Variants in EIF4B observed in about 807,000 individuals in gnomAD.
The protein encoded by EIF4B is eukaryotic translation initiation factor 4B.
In EIF4B, 8 loss-of-function variants were observed where a neutral mutation model predicts 79.3. The observed-to-expected ratio is 0.10, with a 90% CI of 0.06 to 0.18. The LOEUF is 0.18. Among genes scored for constraint, EIF4B ranks in the 10% least tolerant of loss-of-function variants. EIF4B has a pLI of 1.00. For synonymous variants in EIF4B, 238 were observed against 274.7 expected (o/e 0.87, Z 1.32); for missense variants, 515 against 792.4 (o/e 0.65, Z 4.20).
Position 53,016,568 on chromosome 12 carries a change from C to G in EIF4B, c.109C>G (p.Pro37Ala). The G allele has an allele frequency of 6.2e-7, 1 of 1,612,192 alleles. No homozygotes were observed. Among genetic ancestry groups the G allele is most frequent in the Non-Finnish European group, 8.5e-7 (1 of 1,179,304 alleles). ...TGGGSTYVSKPVSWADETDDL... is the reference protein window; with the variant it reads ...TGGGSTYVSKAVSWADETDDL... ...TGGAGGAAGCACCTATGTTTCCAAA[C>G]CAGTCAGCTGGGCTGATGAAACGGA... Residue 37 changes from proline (P) to alanine (A), a missense_variant, in exon 2 of 15, where the codon CCA becomes GCA. Coordinates refer to ENST00000262056, the MANE Select transcript of EIF4B (RefSeq NM_001417.7).
intron 8 of EIF4B, among the ~76,000 whole-genome samples, chr12:53,031,606 T>C (rs995853831): frequency 7.2e-5 from 11 of 152,220 alleles, no homozygotes; most frequent in Non-Finnish European, 1.5e-4. Context: ...TTAAATGAGC[T>C]ACTTTTTCTG....
At chr12:53,007,398 A>C (rs976872477) in intron 1 of EIF4B, among the ~76,000 whole-genome samples, 6 of 136,220 alleles carry the variant, frequency 4.4e-5, no homozygotes, top group Admixed American at 7.3e-5. Flanking sequence ...GAATTTGGAT[A>C]GCTCCAATGG....
At chr12:53,028,283 A>G (rs759211572) in intron 8 of EIF4B, 95 bp downstream of exon 8, 13 of 1,457,750 alleles carry the variant, frequency 8.9e-6, no homozygotes, top group Non-Finnish European at 1.2e-5. Flanking sequence ...TTGGGCACAA[A>G]TATAATTTGC....
At chr12:53,022,055 C>T (rs1349478898) in intron 5 of EIF4B, 195 bp downstream of exon 5, 1 of 663,206 alleles carries the variant, frequency 1.5e-6, no homozygotes, top group South Asian at 1.9e-5. Flanking sequence ...GGAGGGAGTG[C>T]TGCTGACATA....
chr12:53,006,516 C>T lies in EIF4B; in HGVS notation c.13+20C>T. On this transcript the variant is annotated intron_variant, in intron 1 of 14. Coordinates refer to ENST00000262056, the MANE Select transcript of EIF4B (RefSeq NM_001417.7). ...CCTCAGGTGAGCGAGCAGCCGAGCG[C>T]GGCCAAGGACTGGGCTCTGAAACCC... is the stretch of plus-strand genomic sequence containing the variant. The T allele has an allele frequency of 6.2e-7, 1 of 1,613,558 alleles. No individual in the cohort carries two copies. The highest frequency in any genetic ancestry group is 8.5e-7 in the Non-Finnish European group (1 of 1,180,026).
chr12:53,010,532 A>T (rs1349268913), intron 1 of EIF4B, among the ~76,000 whole-genome samples: 4 of 148,588 alleles, frequency 2.7e-5, no homozygotes, highest in South Asian at 4.4e-4. Flanking sequence ...TGGGCTGTAA[A>T]CACCAATATA....
intron 8 of EIF4B, among the ~76,000 whole-genome samples, chr12:53,031,182 TCTC>T (rs80071539): frequency 0.045 from 6,918 of 152,242 alleles, 797 homozygotes; most frequent in East Asian, 0.42. Flanking sequence ...ATTACCTTAT[TCTC>T]CTGTTTAGAC....
At position 53,025,078 on chromosome 12, in the gene EIF4B, A is replaced by G. The variant is rs374007392; in HGVS notation, c.667+2451A>G. 9 of 363,692 alleles carry G rather than the reference A, an allele frequency of 2.5e-5. No individual in the cohort carries two copies. The East Asian group carries it at 4.5e-4, about 18-fold the overall frequency. 22.5% of individuals were successfully genotyped at this position (363,692 alleles called of 1,614,324 possible). A position where few individuals can be genotyped will look rare whatever the true frequency, so the allele number is the denominator to read the frequency against. ...CTTAACCTTTTAAGATGTAGAAGGA[A>G]GAAGAATGGGTCATAGGTCTGAAAG... is the stretch of plus-strand genomic sequence containing the variant. On this transcript the variant is annotated intron_variant, in intron 6 of 14. Coordinates refer to ENST00000262056, the MANE Select transcript of EIF4B (RefSeq NM_001417.7).
chr12:53,026,496 C>T (rs565740786), intron 6 of EIF4B, among the ~76,000 whole-genome samples: 2 of 152,280 alleles, frequency 1.3e-5, no homozygotes, highest in East Asian at 1.9e-4. Flanking sequence ...ATTATTTCCT[C>T]AGTGAATTTC....
intron 5 of EIF4B, 146 bp from the exon 6 acceptor site, chr12:53,022,347 A>G (rs1237100980): frequency 6.1e-6 from 7 of 1,149,780 alleles, no homozygotes; most frequent in South Asian, 2.5e-5. Context: ...GAATTGGAGC[A>G]TGTACTTATG....
intron 1 of EIF4B, among the ~76,000 whole-genome samples, chr12:53,010,199 A>G (rs750086196): frequency 6.6e-6 from 1 of 152,186 alleles, no homozygotes. Context: ...AAAAGGTAGT[A>G]TGGCATCTTC....
chr12:53,009,644 T>G (rs1943029352), intron 1 of EIF4B, among the ~76,000 whole-genome samples: 1 of 152,248 alleles, frequency 6.6e-6, no homozygotes, highest in South Asian at 2.1e-4. Flanking sequence ...CTGCAGTGGT[T>G]GTTTTCATAC....
At chr12:53,018,774 CT>C in intron 2 of EIF4B, 23 bp from the exon 3 acceptor site, 1 of 1,610,618 alleles carries the variant, frequency 6.2e-7, no homozygotes, top group Non-Finnish European at 8.5e-7. Context: ...CTTCTAATTT[CT>C]TACATTCATT....
chr12:53,026,244 TTC>T (rs1943332170), intron 6 of EIF4B, among the ~76,000 whole-genome samples: 1 of 152,202 alleles, frequency 6.6e-6, no homozygotes, highest in African/African-American at 2.4e-5. Flanking sequence ...GGTTGCCAGC[TTC>T]TCTCAGAAAA....
At position 53,027,792 on chromosome 12, in the gene EIF4B, T is replaced by C; in HGVS notation, c.678T>C (p.Asp226=). ...GDDSFGDKYR[D]RYDSDRYRDG... Reference sequence around the variant, plus strand: ...GTCTGTTTCCTCTAGAGTATCGAGATCGTTATGATTCAGACCGGTATCGGG... The same window carrying C: ...GTCTGTTTCCTCTAGAGTATCGAGACCGTTATGATTCAGACCGGTATCGGG... Residue 226 remains aspartate (D), a synonymous_variant, in exon 7 of 15, where the codon GAT becomes GAC. Transcript: ENST00000262056. 2 of 1,613,236 alleles carry C rather than the reference T, an allele frequency of 1.2e-6. No individual in the cohort carries two copies. The highest frequency in any genetic ancestry group is 1.7e-6 in the Non-Finnish European group (2 of 1,179,972).
intron 8 of EIF4B, 30 bp downstream of exon 8, chr12:53,028,218 G>T (rs1347459793): frequency 2.0e-6 from 3 of 1,536,868 alleles, no homozygotes; most frequent in East Asian, 4.5e-5. Context: ...GTACTTCATG[G>T]AGCAGAAACT....
intron 6 of EIF4B, among the ~76,000 whole-genome samples, chr12:53,027,269 G>A (rs1382534595): frequency 1.3e-5 from 2 of 150,550 alleles, no homozygotes; most frequent in Non-Finnish European, 3.0e-5. Flanking sequence ...AAGTAGCTGG[G>A]ACTGCAGGTG....
At chr12:53,013,087 G>C (rs1943092044) in intron 1 of EIF4B, among the ~76,000 whole-genome samples, 1 of 152,206 alleles carries the variant, frequency 6.6e-6, no homozygotes, top group South Asian at 2.1e-4. Flanking sequence ...GAGTCAAGGG[G>C]TGAGAGTTGA....
intron 1 of EIF4B, among the ~76,000 whole-genome samples, chr12:53,008,204 G>T (rs1943000507): frequency 6.6e-6 from 1 of 152,170 alleles, no homozygotes; most frequent in Non-Finnish European, 1.5e-5. Context: ...GTAATTTTTA[G>T]AGGCGGAACA....
Sources: gnomAD v4.1 joint callset for allele counts (sites outside exome capture counted in the v4.1 genomes callset) on GRCh38, gnomAD v4.1.1 for gene constraint, MANE v1.5 for transcripts, NCBI Gene and HGNC (gene_info 2026-07-23, HGNC 2026-07-21) for gene names.